Variants in DPP8 observed in about 807,000 individuals in gnomAD.
DPP8 encodes dipeptidyl peptidase 8.
In DPP8, 31 loss-of-function variants were observed where a neutral mutation model predicts 107.5. The ratio of observed to expected loss-of-function variants is 0.29; its 90% CI spans 0.22 to 0.39. The LOEUF (loss-of-function observed/expected upper bound fraction) is 0.39, where lower values mean the gene tolerates loss of function less well. Ranked by LOEUF, DPP8 falls within the 10% of genes least tolerant of loss-of-function variation. The pLI is 1.00. For missense variants in DPP8, 842 were observed against 1,076.1 expected, an observed-to-expected ratio of 0.78 and a Z score of 3.04; for synonymous variants, 381 against 356.6, an observed-to-expected ratio of 1.07 and a Z score of -0.77.
At chr15:65,489,103 G>A (rs1161448727) in intron 6 of DPP8, among the ~76,000 whole-genome samples, 3 of 152,054 alleles carry the variant, frequency 2.0e-5, no homozygotes, top group Admixed American at 1.3e-4. Flanking sequence ...TGGGACTACA[G>A]GTGCATACCA....
intron 6 of DPP8, among the ~76,000 whole-genome samples, chr15:65,489,843 G>C (rs548735574): frequency 6.6e-6 from 1 of 151,996 alleles, no homozygotes; most frequent in Non-Finnish European, 1.5e-5. Flanking sequence ...TCAGCCTCCC[G>C]CGTAGCTGGG....
intron 4 of DPP8, among the ~76,000 whole-genome samples, chr15:65,499,120 T>C (rs1001117663): frequency 7.9e-5 from 12 of 151,364 alleles, no homozygotes; most frequent in African/African-American, 2.9e-4. Flanking sequence ...TATAAATTTA[T>C]TAAGATGAAT....
chr15:65,474,105 G>A lies in DPP8; in HGVS notation c.1536+104C>T, dbSNP rs190784269. The A allele has an allele frequency of 6.1e-4, 532 of 877,888 alleles. 3 individuals are homozygous for A. The East Asian group carries it at 0.011, about 18-fold the overall frequency. 54.4% of individuals were successfully genotyped at this position (877,888 alleles called of 1,614,324 possible). Reference sequence around the variant, plus strand: ...AGGCGACAGAGCAAGACTCTGTCTCGGAAAAAAAAATACCGGGGTCATATT... The same window carrying A: ...AGGCGACAGAGCAAGACTCTGTCTCAGAAAAAAAAATACCGGGGTCATATT... On this transcript the variant is annotated intron_variant, in intron 12 of 19. Coordinates refer to ENST00000300141, the MANE Select transcript of DPP8 (RefSeq NM_130434.5).
chr15:65,487,147 C>T (rs773570927), intron 7 of DPP8, among the ~76,000 whole-genome samples: 1 of 151,688 alleles, frequency 6.6e-6, no homozygotes, highest in Non-Finnish European at 1.5e-5. Context: ...CTAGCAAAGA[C>T]ACCTTCTTTT....
At chr15:65,449,306 AAAAC>A (rs562470477) in intron 19 of DPP8, among the ~76,000 whole-genome samples, 305 of 149,064 alleles carry the variant, frequency 2.0e-3, no homozygotes, top group African/African-American at 7.1e-3. Context: ...TAAAACAACA[AAAAC>A]AAACAAAATC....
chr15:65,501,795 T>C (rs1284734450), intron 3 of DPP8, among the ~76,000 whole-genome samples: 1 of 152,220 alleles, frequency 6.6e-6, no homozygotes, highest in Admixed American at 6.5e-5. Flanking sequence ...TGGAAGAATG[T>C]TTTTCTTTCT....
At chr15:65,451,216 A>C (rs2063951960) in intron 18 of DPP8, 106 bp from the exon 19 acceptor site, 2 of 682,628 alleles carry the variant, frequency 2.9e-6, no homozygotes, top group African/African-American at 3.7e-5. Flanking sequence ...CTTATACTGT[A>C]ATGTTAGAAT....
intron 15 of DPP8, chr15:65,458,743 C>T (rs1041517125): frequency 1.3e-5 from 2 of 152,128 alleles, no homozygotes; most frequent in African/African-American, 4.8e-5. Flanking sequence ...GACACTGTTG[C>T]TGTTTCAACA....
chr15:65,482,910 C>G (rs2067062274), intron 8 of DPP8, among the ~76,000 whole-genome samples: 1 of 151,326 alleles, frequency 6.6e-6, no homozygotes, highest in Non-Finnish European at 1.5e-5. Context: ...TCCTGGCTAA[C>G]ACGGTGAAAC....
Position 65,498,052 on chromosome 15 carries a change from T to G in DPP8, c.547-20A>C, listed in dbSNP as rs777877229. 1.7e-4 allele frequency: 273 copies of G among 1,567,738 alleles called. 2 individuals carry two copies. Among genetic ancestry groups the G allele is most frequent in the Non-Finnish European group, 2.2e-4 (255 of 1,150,044 alleles). On this transcript the variant is annotated intron_variant, in intron 4 of 19. Transcript: ENST00000300141. ...TTGTTGCTAGAAAAGTAAACAACAT[T>G]TTAAGGTAAGTATTAGGCTGACACA...
intron 7 of DPP8, among the ~76,000 whole-genome samples, chr15:65,485,696 G>A (rs921231326): frequency 2.0e-5 from 3 of 152,076 alleles, no homozygotes; most frequent in Non-Finnish European, 4.4e-5. Flanking sequence ...GCTGTCTCAC[G>A]CCTGTAATCC....
rs2063372427 is a variant in DPP8, at chr15:65,443,487, A to T, written c.*3397T>A. 9.4e-6 allele frequency: 1 copy of T among 106,174 alleles called. No homozygotes were observed. Among genetic ancestry groups the T allele is most frequent in the Non-Finnish European group, 1.7e-5 (1 of 57,882 alleles). The allele number at this position is 106,174 out of a possible 1,614,324, so 6.6% of individuals were successfully genotyped here. ...CTATACTTTCTGGAAGGAATAAAAC[A>T]AGTAGTAAAAAAAAAAAAGTAAGCA... On this transcript the variant is annotated 3_prime_UTR_variant, in exon 20 of 20. Transcript: ENST00000300141.
At chr15:65,504,303 C>T (rs1486954010) in intron 3 of DPP8, among the ~76,000 whole-genome samples, 3 of 146,890 alleles carry the variant, frequency 2.0e-5, no homozygotes, top group Non-Finnish European at 3.0e-5. Context: ...GCAGAGGTTG[C>T]GGTGAGCTGA....
intron 15 of DPP8, among the ~76,000 whole-genome samples, chr15:65,457,245 T>G (rs772750135): frequency 6.6e-6 from 1 of 151,968 alleles, no homozygotes; most frequent in Non-Finnish European, 1.5e-5. Context: ...TCCCAGTCAC[T>G]CGGGAGGCAG....
Position 65,456,243 on chromosome 15 carries a change from G to A in DPP8, c.2100C>T (p.Gly700=), listed in dbSNP as rs201052225. The A allele has an allele frequency of 1.8e-5, 29 of 1,608,108 alleles. No homozygotes were observed. Among genetic ancestry groups the A allele is most frequent in the Middle Eastern group, 1.7e-4 (1 of 6,028 alleles). The change falls in exon 16 of 20, where the codon GGC becomes GGT. Residue 700 remains glycine, a synonymous_variant. Transcript: ENST00000300141. The stretch of plus-strand genomic sequence containing the variant: ...CACACACCATTTTATATTTAAAGGC[G>A]CCTTCAAATTTAAGCCCTCGGTGAC... The part of the protein sequence containing the change: ...GSCHRGLKFE[G]AFKYKMGQIE...
At chr15:65,491,734 C>T (rs1318220907) in intron 5 of DPP8, among the ~76,000 whole-genome samples, 2 of 152,226 alleles carry the variant, frequency 1.3e-5, no homozygotes, top group East Asian at 1.9e-4. Flanking sequence ...ACTAAAGATG[C>T]TATGAACATT....
chr15:65,462,474 C>T (rs966748123), intron 15 of DPP8, among the ~76,000 whole-genome samples: 1 of 152,112 alleles, frequency 6.6e-6, no homozygotes, highest in African/African-American at 2.4e-5. Context: ...CTAAGGATTG[C>T]ATTATGAAAA....
chr15:65,472,668 T>C (rs2140585232), intron 12 of DPP8, among the ~76,000 whole-genome samples: 1 of 152,230 alleles, frequency 6.6e-6, no homozygotes, highest in South Asian at 2.1e-4. Flanking sequence ...TCAAACCATA[T>C]GCTAACTTAC....
At chr15:65,480,690 T>C (rs1021364769) in intron 9 of DPP8, among the ~76,000 whole-genome samples, 2 of 152,284 alleles carry the variant, frequency 1.3e-5, no homozygotes, top group South Asian at 4.1e-4. Context: ...CCCAGCACTT[T>C]GGGAGGTCAA....
Sources: allele counts gnomAD v4.1 joint callset (sites outside exome capture counted in the v4.1 genomes callset), GRCh38; gene constraint gnomAD v4.1.1; transcripts MANE v1.5; gene names NCBI Gene and HGNC (gene_info 2026-07-23, HGNC 2026-07-21).